Variants in DNM3 observed in about 807,000 individuals in gnomAD.
DNM3 encodes dynamin-3.
DNM3 carries 47 observed loss-of-function variants against 101.6 expected under a neutral mutation model. The ratio of observed to expected loss-of-function variants is 0.46; its 90% CI spans 0.37 to 0.59. The LOEUF is 0.59. Among genes scored for constraint, DNM3 ranks in the 20% least tolerant of loss-of-function variants. The pLI is 0.00. For missense variants in DNM3, 849 were observed against 1,085.7 expected (o/e 0.78, Z 3.06); for synonymous variants, 385 against 387.9 (o/e 0.99, Z 0.09).
intron 13 of DNM3, among the ~76,000 whole-genome samples, chr1:172,129,867 G>A (rs1022092005): frequency 6.6e-6 from 1 of 152,136 alleles, no homozygotes; most frequent in Non-Finnish European, 1.5e-5. Context: ...GAAGTAGAGA[G>A]TTAAAAAGCC....
At chr1:172,138,351 C>T (rs1462210749) in intron 14 of DNM3, 61 of 60,248 alleles carry the variant, frequency 1.0e-3, no homozygotes, top group African/African-American at 2.7e-3. Context: ...TATCCCCTTC[C>T]AAAAAAAAAA....
intron 11 of DNM3, among the ~76,000 whole-genome samples, chr1:172,072,903 A>G (rs894477918): frequency 1.3e-5 from 2 of 152,164 alleles, no homozygotes; most frequent in Admixed American, 6.5e-5. Context: ...AACAACAAAA[A>G]AAAGAGTTAA....
intron 14 of DNM3, among the ~76,000 whole-genome samples, chr1:172,234,681 C>G (rs927440753): frequency 6.6e-6 from 1 of 152,034 alleles, no homozygotes; most frequent in African/African-American, 2.4e-5. Context: ...GGTACCAAAA[C>G]AGAGATATAG....
intron 11 of DNM3, 101 bp downstream of exon 11, chr1:172,069,006 GA>G (rs538994320): frequency 7.5e-4 from 679 of 902,336 alleles, no homozygotes; most frequent in Middle Eastern, 1.1e-3. Context: ...TCGCTTAAAG[GA>G]AAAAAAAATA....
chr1:172,140,511 T>C (rs1309619773), intron 14 of DNM3: 9 of 152,034 alleles, frequency 5.9e-5, no homozygotes, highest in Non-Finnish European at 1.3e-4. Context: ...TAAAAATTAC[T>C]ATAATTCTTT....
chr1:172,015,828 A>C (rs2047412733), intron 4 of DNM3, among the ~76,000 whole-genome samples: 1 of 152,158 alleles, frequency 6.6e-6, no homozygotes, highest in East Asian at 1.9e-4. Context: ...GTGAGAGAGA[A>C]CATTTTTGCC....
intron 1 of DNM3, among the ~76,000 whole-genome samples, chr1:171,872,743 T>C (rs1410770322): frequency 6.6e-6 from 1 of 152,096 alleles, no homozygotes; most frequent in Admixed American, 6.5e-5. Flanking sequence ...CTCTGGAAGT[T>C]ATAGAAATTT....
intron 17 of DNM3, among the ~76,000 whole-genome samples, chr1:172,356,439 A>G (rs2148996727): frequency 6.6e-6 from 1 of 152,228 alleles, no homozygotes; most frequent in South Asian, 2.1e-4. Context: ...AAAACAGTAA[A>G]CATTGTTATA....
intron 20 of DNM3, among the ~76,000 whole-genome samples, chr1:172,392,682 C>T (rs2069625074): frequency 6.6e-6 from 1 of 152,262 alleles, no homozygotes; most frequent in African/African-American, 2.4e-5. Context: ...TGTCTTCTTC[C>T]CTTTCCTTGG....
Position 172,238,066 on chromosome 1 carries a change from A to G in DNM3, c.1660-15507A>G, listed in dbSNP as rs145596756. ...CTGCCCTTTTTTTCATTACCATACT[A>G]TAAATACATTACTACCACTTGGTGC... is the stretch of plus-strand genomic sequence containing the variant. On this transcript the variant is annotated intron_variant, in intron 14 of 20. Coordinates refer to ENST00000627582, the MANE Select transcript of DNM3 (RefSeq NM_015569.5). Among the ~76,000 whole-genome samples the G allele has an allele frequency of 4.0e-3, 615 of 152,266 alleles. 6 individuals are homozygous for G. The highest frequency in any genetic ancestry group is 0.027 in the Middle Eastern group (8 of 294).
At chr1:171,988,836 G>T in intron 3 of DNM3, 109 bp from the exon 4 acceptor site, 1 of 924,042 alleles carries the variant, frequency 1.1e-6, no homozygotes, top group Admixed American at 2.8e-5. Context: ...ATGGGTTGGA[G>T]TTGTTCAGAT....
chr1:172,171,244 A>G (rs574694142), intron 14 of DNM3, among the ~76,000 whole-genome samples: 3 of 151,898 alleles, frequency 2.0e-5, no homozygotes, highest in African/African-American at 4.8e-5. Flanking sequence ...TACTTACTCT[A>G]TATTACCTTC....
chr1:172,391,440 CTGT>C (rs1424559260), intron 20 of DNM3, among the ~76,000 whole-genome samples: 1 of 152,024 alleles, frequency 6.6e-6, no homozygotes, highest in Non-Finnish European at 1.5e-5. Flanking sequence ...CACATAAAGT[CTGT>C]TTTTAATAAA....
chr1:172,234,170 G>T (rs2061445586), intron 14 of DNM3, among the ~76,000 whole-genome samples: 1 of 152,158 alleles, frequency 6.6e-6, no homozygotes, highest in Admixed American at 6.6e-5. Flanking sequence ...ATCTCCTTAA[G>T]CTGATAAGCA....
chr1:172,394,811 C>T (rs928142369), intron 20 of DNM3, among the ~76,000 whole-genome samples: 1 of 152,114 alleles, frequency 6.6e-6, no homozygotes, highest in Non-Finnish European at 1.5e-5. Context: ...AGCAAATTGT[C>T]ACCAGTTGGA....
chr1:171,921,643 A>T, intron 1 of DNM3, 105 bp from the exon 2 acceptor site: 1 of 879,630 alleles, frequency 1.1e-6, no homozygotes, highest in South Asian at 1.5e-5. Context: ...TAAGCGATAC[A>T]TTGAAAGGTT....
intron 17 of DNM3, among the ~76,000 whole-genome samples, chr1:172,375,881 T>C (rs1177642129): frequency 6.7e-6 from 1 of 148,832 alleles, no homozygotes; most frequent in Non-Finnish European, 1.5e-5. Flanking sequence ...GGGCGTGGCA[T>C]GTAGTTACAG....
intron 2 of DNM3, among the ~76,000 whole-genome samples, chr1:171,986,727 C>T (rs1355777866): frequency 1.3e-5 from 2 of 151,498 alleles, no homozygotes; most frequent in African/African-American, 4.9e-5. Flanking sequence ...ACCTCACAGG[C>T]TCTTATCTGG....
At chr1:172,348,422 A>G (rs2067045644) in intron 17 of DNM3, among the ~76,000 whole-genome samples, 2 of 152,220 alleles carry the variant, frequency 1.3e-5, no homozygotes, top group Admixed American at 1.3e-4. Flanking sequence ...TAGGTCACCT[A>G]CAAAGGAGTG....
Sources: allele counts gnomAD v4.1 joint callset (sites outside exome capture counted in the v4.1 genomes callset), GRCh38; gene constraint gnomAD v4.1.1; transcripts MANE v1.5; gene names NCBI Gene and HGNC (gene_info 2026-07-23, HGNC 2026-07-21).